Variants in SETD2 observed in about 807,000 individuals in gnomAD.
The protein encoded by SETD2 is histone-lysine N-methyltransferase SETD2.
A neutral mutation model predicts 242.1 loss-of-function variants in SETD2; 31 were observed. The observed-to-expected ratio is 0.13, with a 90% CI of 0.10 to 0.17. SETD2 has a LOEUF of 0.17. Among genes scored for constraint, SETD2 ranks in the 10% least tolerant of loss-of-function variants. SETD2 has a pLI of 1.00. For synonymous variants in SETD2, 1,006 were observed against 1,066.5 expected, an observed-to-expected ratio of 0.94 and a Z score of 1.11; for missense variants, 2,481 against 3,046.3, an observed-to-expected ratio of 0.81 and a Z score of 4.37.
At chr3:47,045,019 T>C (rs938722633) in intron 16 of SETD2, among the ~76,000 whole-genome samples, 9 of 152,216 alleles carry the variant, frequency 5.9e-5, no homozygotes, top group African/African-American at 2.2e-4. Flanking sequence ...TGTGAAATAC[T>C]TCTGGTCCCG....
chr3:47,088,722 T>C (rs2041671688), intron 9 of SETD2, among the ~76,000 whole-genome samples: 1 of 152,168 alleles, frequency 6.6e-6, no homozygotes, highest in African/African-American at 2.4e-5. Flanking sequence ...TTTTATGATG[T>C]CAGCATATGA....
rs556549304 is a variant in SETD2, at chr3:47,124,243, G to A, written c.393C>T (p.Ser131=). The change falls in exon 3 of 21, where the codon TCC becomes TCT. Residue 131 remains serine, a synonymous_variant. Coordinates refer to ENST00000409792, the MANE Select transcript of SETD2 (RefSeq NM_014159.7). ...CCAATTCCACCCTTGACTTTGGTGG[G>A]GAAGATTCTTCTGCAGTAGATAAGG... ...GDTLSTAEES[S]PPKSRVELGK... 6.7e-5 allele frequency: 104 copies of A among 1,551,668 alleles called. No homozygotes were observed. The highest frequency in any genetic ancestry group is 8.6e-5 in the Non-Finnish European group (99 of 1,146,958).
At chr3:47,085,747 C>T (rs977798741) in intron 11 of SETD2, among the ~76,000 whole-genome samples, 2 of 152,116 alleles carry the variant, frequency 1.3e-5, no homozygotes, top group African/African-American at 4.8e-5. Context: ...GCCAATGAAC[C>T]TTTACTTAGA....
chr3:47,102,088 A>G (rs555540567), intron 7 of SETD2, among the ~76,000 whole-genome samples: 3 of 152,384 alleles, frequency 2.0e-5, no homozygotes, highest in Admixed American at 6.5e-5. Flanking sequence ...GAACAGATGC[A>G]TAAGACTCAA....
intron 9 of SETD2, among the ~76,000 whole-genome samples, chr3:47,096,884 T>C (rs184458420): frequency 3.3e-5 from 5 of 152,358 alleles, no homozygotes; most frequent in Admixed American, 6.5e-5. Flanking sequence ...GTTTGTTATA[T>C]AAACTGTCCT....
intron 14 of SETD2, among the ~76,000 whole-genome samples, chr3:47,060,439 A>G (rs2040282959): frequency 6.6e-6 from 1 of 152,216 alleles, no homozygotes; most frequent in Admixed American, 6.5e-5. Flanking sequence ...GTGATTTGCT[A>G]CCAAGACCTA....
intron 13 of SETD2, 200 bp downstream of exon 13, chr3:47,066,870 T>C (rs1026896359): frequency 8.4e-6 from 4 of 478,544 alleles, no homozygotes; most frequent in African/African-American, 4.0e-5. Flanking sequence ...AACAAAACAG[T>C]GTAAGAGACA....
intron 12 of SETD2, among the ~76,000 whole-genome samples, chr3:47,082,678 C>T (rs968512852): frequency 2.6e-5 from 4 of 152,132 alleles, no homozygotes; most frequent in African/African-American, 7.2e-5. Context: ...AGTAAGAGCT[C>T]AAATGGGTAA....
intron 1 of SETD2, among the ~76,000 whole-genome samples, chr3:47,158,728 G>T (rs1460436638): frequency 3.3e-5 from 5 of 152,118 alleles, no homozygotes; most frequent in Non-Finnish European, 4.4e-5. Flanking sequence ...GCACATTTTT[G>T]ACTGTGTTGC....
chr3:47,073,415 G>C (rs777053824), intron 12 of SETD2, among the ~76,000 whole-genome samples: 2 of 152,178 alleles, frequency 1.3e-5, no homozygotes, highest in African/African-American at 4.8e-5. Flanking sequence ...GAAGGATTAT[G>C]ACCTAGCAAG....
At chr3:47,054,700 A>AT (rs1047674371) in intron 15 of SETD2, among the ~76,000 whole-genome samples, 1 of 152,322 alleles carries the variant, frequency 6.6e-6, no homozygotes, top group African/African-American at 2.4e-5. Context: ...AACAACAGTC[A>AT]TTTTAAACCA....
chr3:47,113,848 A>G (rs1356138139), intron 5 of SETD2, 28 bp downstream of exon 5: 4 of 1,602,892 alleles, frequency 2.5e-6, no homozygotes, highest in Non-Finnish European at 3.4e-6. Flanking sequence ...CAAAAAAGGA[A>G]GTGAAAGGTA....
rs760289594 is a variant in SETD2, at chr3:47,121,305, G to A, written c.3331C>T (p.His1111Tyr). The A allele has an allele frequency of 2.0e-5, 33 of 1,612,340 alleles. No individual in the cohort carries two copies. Among genetic ancestry groups the A allele is most frequent in the Non-Finnish European group, 2.6e-5 (31 of 1,179,980 alleles). The change falls in exon 3 of 21, where the codon CAT (histidine) becomes TAT (tyrosine). Residue 1111 changes from histidine to tyrosine, a missense_variant. Transcript: ENST00000409792. ...WEDERLESRR[H>Y]LYEEKFESIA... ...CTTTCAAATTTTTCCTCATACAAAT[G>A]TCTCCTTGACTCCAATCTCTCATCT...
At chr3:47,056,782 G>A (rs1182906074) in intron 15 of SETD2, 39 bp downstream of exon 15, 1 of 1,540,132 alleles carries the variant, frequency 6.5e-7, no homozygotes, top group Middle Eastern at 1.7e-4. Flanking sequence ...CCCATGAACA[G>A]ACCATAAAGC....
At chr3:47,118,883 T>C (rs1382317091) in intron 3 of SETD2, among the ~76,000 whole-genome samples, 1 of 152,044 alleles carries the variant, frequency 6.6e-6, no homozygotes, top group Non-Finnish European at 1.5e-5. Flanking sequence ...ACACAATTCC[T>C]AAAGGGTACT....
At chr3:47,110,534 G>C (rs993368555) in intron 5 of SETD2, among the ~76,000 whole-genome samples, 5 of 152,140 alleles carry the variant, frequency 3.3e-5, no homozygotes, top group African/African-American at 1.2e-4. Context: ...AGGGGTTTTG[G>C]TAATAACCTG....
chr3:47,078,530 T>C (rs1048123430), intron 12 of SETD2, among the ~76,000 whole-genome samples: 2 of 146,614 alleles, frequency 1.4e-5, no homozygotes, highest in South Asian at 4.4e-4. Context: ...TTTTTTTTTT[T>C]TTTTTTTTTT....
chr3:47,086,089 C>CA, intron 11 of SETD2, 106 bp downstream of exon 11: 1 of 1,242,832 alleles, frequency 8.0e-7, no homozygotes, highest in South Asian at 1.3e-5. Flanking sequence ...TATTTAATAC[C>CA]AATGATACAG....
intron 15 of SETD2, among the ~76,000 whole-genome samples, chr3:47,055,689 T>C (rs866851794): frequency 6.8e-5 from 10 of 146,352 alleles, no homozygotes; most frequent in Admixed American, 6.9e-5. Flanking sequence ...CAAGACCTAA[T>C]CTCTTAAAAT....
Sources: gnomAD v4.1 joint callset for allele counts (sites outside exome capture counted in the v4.1 genomes callset) on GRCh38, gnomAD v4.1.1 for gene constraint, MANE v1.5 for transcripts, NCBI Gene and HGNC (gene_info 2026-07-23, HGNC 2026-07-21) for gene names.